Variants in TNRC6A observed in about 807,000 individuals in gnomAD.
TNRC6A encodes trinucleotide repeat-containing gene 6A protein.
Under a neutral mutation model 221.2 loss-of-function variants are expected in TNRC6A, and 44 were observed. That is an observed-to-expected ratio of 0.20 (90% CI 0.16 to 0.26). The LOEUF is 0.26. TNRC6A is among the 10% of genes least tolerant of loss of function. TNRC6A has a pLI of 1.00. For missense variants in TNRC6A, 2,199 were observed against 2,404.4 expected, an observed-to-expected ratio of 0.91 and a Z score of 1.79; for synonymous variants, 847 against 838.5, an observed-to-expected ratio of 1.01 and a Z score of -0.18.
At chr16:24,733,476 C>A (rs922541210) in intron 2 of TNRC6A, among the ~76,000 whole-genome samples, 4 of 152,146 alleles carry the variant, frequency 2.6e-5, no homozygotes, top group African/African-American at 9.7e-5. Context: ...ATGTTAGTAT[C>A]ATGGGAGCCA....
At chr16:24,762,039 C>A (rs1463015780) in intron 4 of TNRC6A, among the ~76,000 whole-genome samples, 1 of 152,138 alleles carries the variant, frequency 6.6e-6, no homozygotes, top group Non-Finnish European at 1.5e-5. Context: ...GAGTAATAAA[C>A]CCCTGAGCTC....
chr16:24,785,813 C>G (rs965807122), intron 5 of TNRC6A, among the ~76,000 whole-genome samples: 1 of 152,094 alleles, frequency 6.6e-6, no homozygotes, highest in Non-Finnish European at 1.5e-5. Flanking sequence ...ACTTAACGCA[C>G]GCAAATAGTG....
At chr16:24,612,195 T>A (rs1229790017) in intron 1 of TNRC6A, among the ~76,000 whole-genome samples, 3 of 152,076 alleles carry the variant, frequency 2.0e-5, no homozygotes, top group Non-Finnish European at 4.4e-5. Flanking sequence ...GTCAAAAGCT[T>A]TTGGTTCACT....
chr16:24,758,964 A>G (rs949481926), intron 4 of TNRC6A, among the ~76,000 whole-genome samples: 1 of 152,134 alleles, frequency 6.6e-6, no homozygotes, highest in Admixed American at 6.6e-5. Flanking sequence ...CCCAGGAGCT[A>G]CTTGGTAATA....
upstream of TNRC6A, among the ~76,000 whole-genome samples, chr16:24,728,787 T>C (rs1196607228): frequency 2.0e-5 from 3 of 152,248 alleles, no homozygotes; most frequent in African/African-American, 7.2e-5. Flanking sequence ...ATACATATCT[T>C]AGTCTATCTA....
intron 2 of TNRC6A, among the ~76,000 whole-genome samples, chr16:24,648,472 G>T (rs371939834): frequency 2.0e-5 from 3 of 151,664 alleles, no homozygotes; most frequent in East Asian, 1.9e-4. Context: ...GGGTTTCACC[G>T]TGTTAGCCAG....
intron 2 of TNRC6A, among the ~76,000 whole-genome samples, chr16:24,748,181 A>G (rs77915504): frequency 1.3e-3 from 200 of 152,328 alleles, no homozygotes; most frequent in Non-Finnish European, 2.3e-3. Flanking sequence ...ATTGACATGT[A>G]TGGTCATTTG....
chr16:24,705,570 G>A (rs943532619), intron 2 of TNRC6A, among the ~76,000 whole-genome samples: 1 of 152,198 alleles, frequency 6.6e-6, no homozygotes, highest in Non-Finnish European at 1.5e-5. Context: ...GACTTCTGGT[G>A]ATCCGCCTGC....
rs900172520 is a variant in TNRC6A, at chr16:24,762,270, A to G, written c.163+3910A>G. Reference sequence around the variant, plus strand: ...ATTTTTTATCAATTCTAGCCTTAATATTTGTTTTTCTGTCAAACACAATGT... The same window carrying G: ...ATTTTTTATCAATTCTAGCCTTAATGTTTGTTTTTCTGTCAAACACAATGT... On this transcript the variant is annotated intron_variant, in intron 4 of 24. Coordinates refer to ENST00000395799, the MANE Select transcript of TNRC6A (RefSeq NM_014494.4). Among the ~76,000 whole-genome samples the G allele has an allele frequency of 7.9e-5, 12 of 152,288 alleles. No individual in the cohort carries two copies. In the East Asian group the frequency reaches 2.3e-3, roughly 29 times the overall value.
rs142909907 is a variant in TNRC6A, at chr16:24,614,600, C to T, written n.276+4116C>T. On this transcript the variant is annotated intron_variant and non_coding_transcript_variant, in intron 1 of 2. Transcript: ENST00000566108. ...TGTGGTGAAATAAGATCTCTTCTCA[C>T]GGGATTTTTTTGGGAATGACTTGGA... Among the ~76,000 whole-genome samples the T allele has an allele frequency of 5.3e-5, 8 of 152,220 alleles. No homozygotes were observed. The East Asian group carries it at 5.8e-4, about 11-fold the overall frequency.
chr16:24,676,070 A>G (rs1420624984), intron 2 of TNRC6A, among the ~76,000 whole-genome samples: 1 of 152,012 alleles, frequency 6.6e-6, no homozygotes, highest in Non-Finnish European at 1.5e-5. Flanking sequence ...TCAAGAATGG[A>G]CATTTAATTC....
At chr16:24,735,107 C>A (rs1459635146) in intron 2 of TNRC6A, among the ~76,000 whole-genome samples, 2 of 152,130 alleles carry the variant, frequency 1.3e-5, no homozygotes, top group Non-Finnish European at 2.9e-5. Context: ...CATGGTGAGA[C>A]CCCGTCTCTA....
At chr16:24,681,508 G>A (rs868016360) in intron 2 of TNRC6A, among the ~76,000 whole-genome samples, 2 of 152,190 alleles carry the variant, frequency 1.3e-5, no homozygotes, top group East Asian at 1.9e-4. Flanking sequence ...GATTGCAGGC[G>A]TGAGCCATCG....
intron 1 of TNRC6A, among the ~76,000 whole-genome samples, chr16:24,617,818 C>T (rs1900447342): frequency 6.6e-6 from 1 of 152,240 alleles, no homozygotes; most frequent in Admixed American, 6.5e-5. Context: ...GGAGGGCATC[C>T]TATCCCCTGC....
intron 2 of TNRC6A, among the ~76,000 whole-genome samples, chr16:24,648,452 A>G (rs575428240): frequency 9.2e-5 from 14 of 151,864 alleles, no homozygotes; most frequent in Non-Finnish European, 1.8e-4. Flanking sequence ...TTGTATTTTT[A>G]GTAGAGACGG....
intron 1 of TNRC6A, among the ~76,000 whole-genome samples, chr16:24,628,415 A>G (rs1901150445): frequency 6.6e-6 from 1 of 151,880 alleles, no homozygotes; most frequent in African/African-American, 2.4e-5. Context: ...GTGAGACTCC[A>G]TCTCAAAAAA....
chr16:24,770,996 A>G (rs1167036947), intron 4 of TNRC6A, among the ~76,000 whole-genome samples: 1 of 152,224 alleles, frequency 6.6e-6, no homozygotes, highest in African/African-American at 2.4e-5. Flanking sequence ...CAGAGGTGAC[A>G]CAGTGTGGGA....
chr16:24,757,250 G>A (rs1392936286), intron 3 of TNRC6A, among the ~76,000 whole-genome samples: 3 of 150,366 alleles, frequency 2.0e-5, no homozygotes, highest in Non-Finnish European at 2.9e-5. Context: ...AAGACTCCCT[G>A]GCTTTCTGGG....
rs760239983 is a variant in TNRC6A at position 24,820,124 on chromosome 16, T to G, written c.5081-15T>G. 1.2e-6 allele frequency: 2 copies of G among 1,609,542 alleles called. No individual in the cohort carries two copies. The highest frequency in any genetic ancestry group is 2.2e-5 in the South Asian group (2 of 90,976). ...CATTATTCCTCCCCTCTCCATTTTT[T>G]CCCCCTTTGAGTAGCCAGAAATAGT... On this transcript the variant is annotated splice_polypyrimidine_tract_variant and intron_variant, in intron 21 of 24. Coordinates refer to ENST00000395799, the MANE Select transcript of TNRC6A (RefSeq NM_014494.4).
Sources: gnomAD v4.1 joint callset for allele counts (sites outside exome capture counted in the v4.1 genomes callset) on GRCh38, gnomAD v4.1.1 for gene constraint, MANE v1.5 for transcripts, NCBI Gene and HGNC (gene_info 2026-07-23, HGNC 2026-07-21) for gene names.